STK17A: variants seen among roughly 807,000 people sequenced by gnomAD.
STK17A encodes serine/threonine kinase 17a, also known as serine/threonine-protein kinase 17A.
Under a neutral mutation model 43.7 loss-of-function variants are expected in STK17A, and 26 were observed. The ratio of observed to expected loss-of-function variants is 0.60; its 90% CI spans 0.44 to 0.83. STK17A has a LOEUF of 0.83. Among genes scored for constraint, STK17A ranks in the 40% least tolerant of loss-of-function variants. The pLI is 0.00. For synonymous variants in STK17A, 191 were observed against 182.5 expected, an observed-to-expected ratio of 1.05 and a Z score of -0.38; for missense variants, 476 against 511.6, an observed-to-expected ratio of 0.93 and a Z score of 0.67.
chr7:43,619,741 T>C lies in STK17A; in HGVS notation c.691+18T>C, dbSNP rs1315016827. The C allele has an allele frequency of 6.2e-7, 1 of 1,612,108 alleles. No individual in the cohort carries two copies. Reference sequence around the variant, plus strand: ...ATATGTGGGTAAGTATTCATAAAAGTAGTTTTGTTCTGGGGTCAGGCATCA... The same window carrying C: ...ATATGTGGGTAAGTATTCATAAAAGCAGTTTTGTTCTGGGGTCAGGCATCA... On this transcript the variant is annotated intron_variant, in intron 4 of 6. Transcript: ENST00000319357.
chr7:43,603,709 T>C (rs996629126), intron 2 of STK17A, among the ~76,000 whole-genome samples: 1 of 152,210 alleles, frequency 6.6e-6, no homozygotes, highest in African/African-American at 2.4e-5. Flanking sequence ...GGGGCTGTGC[T>C]AATGCAGCAG....
chr7:43,616,638 C>A (rs2083371537), intron 3 of STK17A, among the ~76,000 whole-genome samples: 1 of 152,188 alleles, frequency 6.6e-6, no homozygotes, highest in Non-Finnish European at 1.5e-5. Context: ...TGGCTCACGC[C>A]TGTAATCCCA....
intron 1 of STK17A, among the ~76,000 whole-genome samples, chr7:43,594,725 C>A (rs1583549495): frequency 6.6e-6 from 1 of 152,040 alleles, no homozygotes; most frequent in East Asian, 1.9e-4. Context: ...ATTCTTAGAA[C>A]CCTGTGAAGT....
At position 43,601,890 on chromosome 7, in the gene STK17A, T is replaced by C. The variant is rs531969331; in HGVS notation, c.419+5777T>C. ...GCTTGGCAAGTCTGTACCTAATCTC[T>C]TATGTCCTTTTAACACCCCCACCCC... On this transcript the variant is annotated intron_variant, in intron 2 of 6. Coordinates refer to ENST00000319357, the MANE Select transcript of STK17A (RefSeq NM_004760.3). Among the ~76,000 whole-genome samples, 73 of 152,252 alleles carry C rather than the reference T, an allele frequency of 4.8e-4. 1 individual carries two copies. Among genetic ancestry groups the C allele is most frequent in the Admixed American group, 2.4e-3 (37 of 15,286 alleles).
At chr7:43,602,756 GGCTTCA>G (rs2082564282) in intron 2 of STK17A, among the ~76,000 whole-genome samples, 1 of 151,866 alleles carries the variant, frequency 6.6e-6, no homozygotes, top group East Asian at 1.9e-4. Context: ...CTATTTTTGT[GGCTTCA>G]GCTATCATTT....
At chr7:43,619,257 G>A (rs540363643) in intron 3 of STK17A, among the ~76,000 whole-genome samples, 1 of 152,308 alleles carries the variant, frequency 6.6e-6, no homozygotes, top group South Asian at 2.1e-4. Flanking sequence ...GCTTGACCAT[G>A]CTTTCAAGAA....
chr7:43,598,116 A>T (rs2082531730), intron 2 of STK17A, among the ~76,000 whole-genome samples: 1 of 152,056 alleles, frequency 6.6e-6, no homozygotes, highest in African/African-American at 2.4e-5. Flanking sequence ...CAAACATAAC[A>T]CTCAGATATA....
chr7:43,596,562 C>A (rs190736279), intron 2 of STK17A, among the ~76,000 whole-genome samples: 13 of 152,184 alleles, frequency 8.5e-5, no homozygotes, highest in Admixed American at 3.3e-4. Flanking sequence ...ACTGTTCTTT[C>A]TCCTTAAGAA....
At chr7:43,607,126 T>G in intron 2 of STK17A, among the ~76,000 whole-genome samples, 1 of 151,638 alleles carries the variant, frequency 6.6e-6, no homozygotes, top group Non-Finnish European at 1.5e-5. Context: ...CTTCTCCATG[T>G]TGGTCACGCT....
chr7:43,583,221 G>C lies in STK17A; in HGVS notation c.-23G>C. 1 of 1,555,078 alleles carries C rather than the reference G, an allele frequency of 6.4e-7. No homozygotes were observed. On this transcript the variant is annotated 5_prime_UTR_variant, in exon 1 of 7. Coordinates refer to ENST00000319357, the MANE Select transcript of STK17A (RefSeq NM_004760.3). ...GCTGCTCGGAGTGAACAGGCGGCCA[G>C]GAAAGAAGCGGGCCTGAACACCATG...
chr7:43,586,737 T>C (rs2082442938), intron 1 of STK17A, among the ~76,000 whole-genome samples: 1 of 151,588 alleles, frequency 6.6e-6, no homozygotes, highest in Admixed American at 6.6e-5. Context: ...ACTTTAATGT[T>C]TTTAATATAC....
chr7:43,599,282 GA>G (rs1198765556), intron 2 of STK17A, among the ~76,000 whole-genome samples: 2 of 152,214 alleles, frequency 1.3e-5, no homozygotes, highest in Admixed American at 1.3e-4. Context: ...AATTTGGCAG[GA>G]AAGAGTTCTT....
chr7:43,584,183 G>C (rs774723443), intron 1 of STK17A, among the ~76,000 whole-genome samples: 2 of 152,108 alleles, frequency 1.3e-5, no homozygotes, highest in Non-Finnish European at 2.9e-5. Flanking sequence ...GGTGCAGGCT[G>C]TTCGGATGCT....
At chr7:43,612,909 A>G (rs1195740864) in intron 3 of STK17A, among the ~76,000 whole-genome samples, 1 of 152,138 alleles carries the variant, frequency 6.6e-6, no homozygotes, top group Non-Finnish European at 1.5e-5. Flanking sequence ...TTAAGAGAAA[A>G]CCCATTCGTT....
chr7:43,605,163 TTTA>T (rs1168917144), intron 2 of STK17A, among the ~76,000 whole-genome samples: 11 of 152,318 alleles, frequency 7.2e-5, no homozygotes, highest in African/African-American at 2.6e-4. Flanking sequence ...TGGGTCTGCT[TTTA>T]TTATTTTTCC....
At chr7:43,585,835 GTTA>G (rs1467903995) in intron 1 of STK17A, among the ~76,000 whole-genome samples, 2 of 151,510 alleles carry the variant, frequency 1.3e-5, no homozygotes, top group South Asian at 2.1e-4. Context: ...TTCAATAAAT[GTTA>G]TTATTTTAAA....
chr7:43,619,703 T>C lies in STK17A; in HGVS notation c.671T>C (p.Met224Thr), dbSNP rs902851827. The change falls in exon 4 of 7, where the codon ATG becomes ACG. Residue 224 changes from methionine (M) to threonine (T), a missense_variant. Around this residue, in one of 3 missense-constraint regions of STK17A, gnomAD observed 320 missense variants for 326.3 expected, o/e 0.98. Transcript: ENST00000319357. ...AACAGTGAAGAGCTCCGAGAAATTA[T>C]GGGTACCCCTGAATATGTGGGTAAG... is the stretch of plus-strand genomic sequence containing the variant. ...LKNSEELREI[M>T]GTPEYVAPEI... The C allele has an allele frequency of 1.2e-6, 2 of 1,613,938 alleles. No homozygotes were observed. The highest frequency in any genetic ancestry group is 1.7e-6 in the Non-Finnish European group (2 of 1,179,896).
rs1055515544 is a variant in STK17A, at chr7:43,625,907, A to C, written c.*1065A>C. 6.6e-6 allele frequency: 1 copy of C among 152,164 alleles called. No individual in the cohort carries two copies. Among genetic ancestry groups the C allele is most frequent in the African/African-American group, 2.4e-5 (1 of 41,428 alleles). 9.4% of individuals were successfully genotyped at this position (152,164 alleles called of 1,614,324 possible). ...TGTCCATAAAAAATTTACATTGGAT[A>C]CTCTGTAAGTAGGAGGTACTTTGTC... is the stretch of plus-strand genomic sequence containing the variant. On this transcript the variant is annotated 3_prime_UTR_variant, in exon 7 of 7. Transcript: ENST00000319357.
intron 2 of STK17A, among the ~76,000 whole-genome samples, chr7:43,603,760 C>T (rs1463004592): frequency 1.3e-5 from 2 of 152,160 alleles, no homozygotes; most frequent in African/African-American, 2.4e-5. Context: ...CACGTGGTGG[C>T]GGAGAGTGAC....
Sources: allele counts gnomAD v4.1 joint callset (sites outside exome capture counted in the v4.1 genomes callset), GRCh38; gene constraint gnomAD v4.1.1; regional missense constraint gnomAD v4.1.1; transcripts MANE v1.5; gene names NCBI Gene and HGNC (gene_info 2026-07-23, HGNC 2026-07-21).